The following NLRP11 variants were observed in gnomAD, a reference collection of about 807,000 sequenced individuals.
The protein encoded by NLRP11 is NACHT, LRR and PYD domains-containing protein 11.
A neutral mutation model predicts 79.3 loss-of-function variants in NLRP11; 53 were observed. That is an observed-to-expected ratio of 0.67 (90% CI 0.54 to 0.84). The LOEUF (loss-of-function observed/expected upper bound fraction) is 0.84. Ranked by LOEUF, NLRP11 falls within the 40% of genes least tolerant of loss-of-function variation. The pLI is 0.00. For missense variants in NLRP11, 1,264 were observed against 1,255.0 expected, an observed-to-expected ratio of 1.01 and a Z score of -0.11; for synonymous variants, 518 against 462.6, an observed-to-expected ratio of 1.12 and a Z score of -1.54.
At chr19:55,830,622 G>A (rs1455899063) in intron 1 of NLRP11, among the ~76,000 whole-genome samples, 1 of 120,812 alleles carries the variant, frequency 8.3e-6, no homozygotes, top group Non-Finnish European at 1.6e-5. Flanking sequence ...AAAATGCAAC[G>A]TTGAGTGTGT....
chr19:55,808,910 T>C (rs748689807), exon 3 of NLRP11: 2 of 1,614,132 alleles, frequency 1.2e-6, no homozygotes, highest in South Asian at 2.2e-5. Context: ...AACTGTAACC[T>C]CCATGAGAGC....
intron 5 of NLRP11, chr19:55,801,102 C>G (rs1600182708): frequency 6.6e-6 from 1 of 152,206 alleles, no homozygotes; most frequent in East Asian, 1.9e-4. Flanking sequence ...TCACTTGAAC[C>G]TGGAAGTCAG....
intron 2 of NLRP11, among the ~76,000 whole-genome samples, chr19:55,812,845 T>G (rs1428085612): frequency 3.9e-5 from 6 of 152,174 alleles, no homozygotes; most frequent in Non-Finnish European, 8.8e-5. Flanking sequence ...CTTGTCACCT[T>G]TTATGATGAG....
At chr19:55,829,658 CAAAAAAAAAAAA>C (rs543036205) in intron 1 of NLRP11, among the ~76,000 whole-genome samples, 1 of 73,138 alleles carries the variant, frequency 1.4e-5, no homozygotes, top group Non-Finnish European at 2.5e-5. Flanking sequence ...GACTCCGTCT[CAAAAAAAAAAAA>C]AAAAAAAAAA....
In NLRP11 at chr19:55,792,434, C is replaced by T. The variant is rs115897165; in HGVS notation, c.2380G>A (p.Ala794Thr). The T allele has an allele frequency of 9.7e-5, 157 of 1,614,048 alleles. No individual in the cohort carries two copies. The East Asian group carries it at 2.9e-3, about 30-fold the overall frequency. The change falls in exon 7 of 10, where the codon GCC becomes ACC. Residue 794 changes from alanine to threonine, a missense_variant. Physicochemically the swap from Ala to Thr is moderately conservative, Grantham distance 58 (BLOSUM62 0). Transcript: ENST00000589093. The stretch of plus-strand genomic sequence containing the variant: ...CTGAACAGAAGCACTCTTCCAAGGG[C>T]GCTGCAGCAATTTTCAGTGAGACAG...
In NLRP11 at chr19:55,809,874, A is replaced by G. The variant is rs1435916581; in HGVS notation, c.736T>C (p.Cys246Arg). Residue 246 changes from cysteine to arginine, a missense_variant, in exon 3 of 10, where the codon TGT becomes CGT. Physicochemically the swap from Cys to Arg is radical, Grantham distance 180. Transcript: ENST00000589093. The surrounding 1 kb of genome is among the most constrained non-coding windows in gnomAD (Gnocchi z 4.5). Reference sequence around the variant, plus strand: ...GGAACTTTCTGGGTGCTGTTACTACACAAAGCACTTTCATTGACATTTAAC... The same window carrying G: ...GGAACTTTCTGGGTGCTGTTACTACGCAAAGCACTTTCATTGACATTTAAC... The G allele has an allele frequency of 6.2e-7, 1 of 1,614,210 alleles. No homozygotes were observed. Among genetic ancestry groups the G allele is most frequent in the Non-Finnish European group, 8.5e-7 (1 of 1,180,028 alleles).
chr19:55,821,853 G>T (rs1981773343), intron 1 of NLRP11, among the ~76,000 whole-genome samples: 1 of 152,240 alleles, frequency 6.6e-6, no homozygotes, highest in Non-Finnish European at 1.5e-5. Flanking sequence ...CTCCATCAGG[G>T]CAGGACCACT....
At chr19:55,790,069 G>C (rs1990144316) in intron 7 of NLRP11, among the ~76,000 whole-genome samples, 1 of 152,120 alleles carries the variant, frequency 6.6e-6, no homozygotes, top group African/African-American at 2.4e-5. Flanking sequence ...CGCCACTCTA[G>C]TGATCTGTAT....
intron 7 of NLRP11, among the ~76,000 whole-genome samples, chr19:55,790,168 C>A (rs1292124034): frequency 6.6e-6 from 1 of 152,166 alleles, no homozygotes; most frequent in Non-Finnish European, 1.5e-5. Flanking sequence ...TGGCCATACC[C>A]TACCCTCAGC....
At chr19:55,814,159 A>G (rs1600194111) in intron 2 of NLRP11, among the ~76,000 whole-genome samples, 1 of 152,042 alleles carries the variant, frequency 6.6e-6, no homozygotes, top group East Asian at 1.9e-4. Context: ...CAGAAGCGTG[A>G]ACCCTATTGT....
At chr19:55,788,505 C>T (rs1990021355) in intron 9 of NLRP11, among the ~76,000 whole-genome samples, 1 of 151,496 alleles carries the variant, frequency 6.6e-6, no homozygotes, top group African/African-American at 2.4e-5. Flanking sequence ...CTTCGGGAGG[C>T]CAAGGTGGAC....
chr19:55,832,348 G>T (rs1209819108), upstream of NLRP11, among the ~76,000 whole-genome samples: 2 of 152,198 alleles, frequency 1.3e-5, no homozygotes, highest in African/African-American at 4.8e-5. Flanking sequence ...TCCATGAGGG[G>T]AATACGCTGT....
At chr19:55,808,409 A>G (rs1212504857) in intron 3 of NLRP11, among the ~76,000 whole-genome samples, 1 of 152,208 alleles carries the variant, frequency 6.6e-6, no homozygotes. Context: ...CAATGAGGCA[A>G]TTCTGCCGCT....
chr19:55,795,437 A>G (rs925753359), intron 6 of NLRP11, among the ~76,000 whole-genome samples: 7 of 152,138 alleles, frequency 4.6e-5, no homozygotes, highest in South Asian at 2.1e-4. Context: ...GCTCTTAGAA[A>G]GTCAGTTGCT....
exon 10 of NLRP11, chr19:55,785,860 G>A: frequency 6.2e-7 from 1 of 1,612,264 alleles, no homozygotes; most frequent in Non-Finnish European, 8.5e-7. Flanking sequence ...GTTCAGGCCA[G>A]TTAATGGAAG....
At position 55,785,883 on chromosome 19, in the gene NLRP11, C is replaced by CAG. The variant is rs751788635; in HGVS notation, c.2856-14_2856-13dup. ...CAGTTAATGGAAGCCTGAAGGAAAA[C>CAG]AGAGAGAGAACGCCGTTAATGCTAC... On this transcript the variant is annotated splice_polypyrimidine_tract_variant and intron_variant, in intron 9 of 9. Transcript: ENST00000589093. The CAG allele has an allele frequency of 2.4e-5, 39 of 1,608,846 alleles. No individual in the cohort carries two copies. The African/African-American group carries it at 4.4e-4, about 18-fold the overall frequency.
intron 2 of NLRP11, among the ~76,000 whole-genome samples, chr19:55,816,661 C>A (rs571544396): frequency 5.3e-5 from 8 of 152,050 alleles, no homozygotes; most frequent in Non-Finnish European, 1.2e-4. Flanking sequence ...ATGGTAGGAG[C>A]GTACCCGGTT....
chr19:55,811,969 GTA>G (rs1491240062), intron 2 of NLRP11, among the ~76,000 whole-genome samples: 2 of 89,796 alleles, frequency 2.2e-5, no homozygotes, highest in Non-Finnish European at 4.0e-5. Context: ...TTTCACACAT[GTA>G]CACACACACA....
At chr19:55,821,222 C>G (rs1044700550) in intron 1 of NLRP11, among the ~76,000 whole-genome samples, 1 of 103,024 alleles carries the variant, frequency 9.7e-6, no homozygotes, top group Non-Finnish European at 1.7e-5. Flanking sequence ...CACACACACA[C>G]ACACACACAC....
Sources: gnomAD v4.1 joint callset for allele counts (sites outside exome capture counted in the v4.1 genomes callset) on GRCh38, gnomAD v4.1.1 for gene constraint, Gnocchi (gnomAD v3.1) non-coding constraint, MANE v1.5 for transcripts, NCBI Gene and HGNC (gene_info 2026-07-23, HGNC 2026-07-21) for gene names.